TPST2: variants seen among roughly 807,000 people sequenced by gnomAD.
TPST2 encodes the protein tyrosylprotein sulfotransferase 2.
TPST2 carries 16 observed loss-of-function variants against 27.8 expected under a neutral mutation model. The observed-to-expected ratio is 0.58, with a 90% CI of 0.39 to 0.88. The LOEUF (loss-of-function observed/expected upper bound fraction) is 0.88. Ranked by LOEUF, TPST2 falls within the 40% of genes least tolerant of loss-of-function variation. The probability of loss-of-function intolerance (pLI) is 0.00; values close to 1 mark genes in which losing one functional copy is unlikely to be tolerated. For synonymous variants in TPST2, 229 were observed against 231.7 expected (o/e 0.99, Z 0.10); for missense variants, 464 against 543.1 (o/e 0.85, Z 1.45).
intron 2 of TPST2, among the ~76,000 whole-genome samples, chr22:26,542,240 T>C (rs1348442196): frequency 8.6e-6 from 1 of 115,976 alleles, no homozygotes; most frequent in South Asian, 3.0e-4. Context: ...AGACTCCGTC[T>C]AAAAAAAAAA....
intron 1 of TPST2, chr22:26,560,387 A>G (rs1927021498): frequency 1.7e-6 from 1 of 593,184 alleles, no homozygotes; most frequent in Non-Finnish European, 3.0e-6. Flanking sequence ...ATATTGCAGC[A>G]GTGCCATATG....
At chr22:26,570,013 AAGAAAGAAAGAAAGAAAGAAAGAAAG>A (rs1927554160) in intron 1 of TPST2, among the ~76,000 whole-genome samples, 2 of 94,778 alleles carry the variant, frequency 2.1e-5, no homozygotes, top group Admixed American at 1.3e-4. Flanking sequence ...GAAAGAAAGA[AAGAAAGAAAGAAAGAAAGAAAGAAAG>A]AAAGACAGAA....
chr22:26,551,637 ACT>A (rs781110984), intron 1 of TPST2, among the ~76,000 whole-genome samples: 3 of 151,706 alleles, frequency 2.0e-5, no homozygotes, highest in Non-Finnish European at 2.9e-5. Context: ...CCAGTTCAGC[ACT>A]CTGTTAGGGA....
At chr22:26,529,784 G>A (rs984663778) in intron 5 of TPST2, among the ~76,000 whole-genome samples, 5 of 152,012 alleles carry the variant, frequency 3.3e-5, no homozygotes, top group African/African-American at 9.7e-5. Context: ...GCAGTGGCAC[G>A]AACATGTGCC....
At chr22:26,543,477 G>T (rs963236474) in intron 2 of TPST2, among the ~76,000 whole-genome samples, 21 of 152,116 alleles carry the variant, frequency 1.4e-4, no homozygotes, top group African/African-American at 4.3e-4. Flanking sequence ...TGATTTTTTT[G>T]TGTGTTTTTA....
Position 26,538,860 on chromosome 22 carries a change from G to T in TPST2, c.842+1929C>A, listed in dbSNP as rs540146628. 3.3e-5 allele frequency among the ~76,000 whole-genome samples: 5 copies of T among 152,286 alleles called. No individual in the cohort carries two copies. In the South Asian group the frequency reaches 1.0e-3, roughly 32 times the overall value. ...ACAACAAAAATGCTGCTACCAAAGA[G>T]TGCTGGCTGCCACTGGCAAGGGCTC... On this transcript the variant is annotated intron_variant, in intron 3 of 6. Transcript: ENST00000338754.
chr22:26,522,514 A>G lies in TPST2; in HGVS notation c.*3761T>C, dbSNP rs549773434. The G allele has an allele frequency of 2.6e-5, 4 of 152,286 alleles. No individual in the cohort carries two copies. The highest frequency in any genetic ancestry group is 2.6e-4 in the Admixed American group (4 of 15,304). 9.4% of individuals were successfully genotyped at this position (152,286 alleles called of 1,614,324 possible). On this transcript the variant is annotated 3_prime_UTR_variant, in exon 7 of 7. Coordinates refer to ENST00000338754, the MANE Select transcript of TPST2 (RefSeq NM_003595.5). ...ACAGTGAGATTAAAATTCTGCCCAA[A>G]TCAGGGTACATGGGTGGAATTAATC...
In TPST2 at chr22:26,541,730, G is replaced by A; in HGVS notation, c.-88-12C>T. 1 of 1,453,808 alleles carries A rather than the reference G, an allele frequency of 6.9e-7. No homozygotes were observed. The highest frequency in any genetic ancestry group is 2.5e-5 in the East Asian group (1 of 39,978). 90.1% of individuals were successfully genotyped at this position (1,453,808 alleles called of 1,614,324 possible). The stretch of plus-strand genomic sequence containing the variant: ...CGCCAGGCTCACATCTGGGGAGAGA[G>A]GGGGACATGCATAGTCAGGGAGGTC... On this transcript the variant is annotated splice_polypyrimidine_tract_variant and intron_variant, in intron 2 of 6. Transcript: ENST00000338754. The surrounding 1 kb of genome is among the most constrained non-coding windows in gnomAD (Gnocchi z 5.9).
At chr22:26,567,942 T>A (rs1193479210) in intron 1 of TPST2, among the ~76,000 whole-genome samples, 1 of 152,206 alleles carries the variant, frequency 6.6e-6, no homozygotes, top group Admixed American at 6.5e-5. Context: ...AACCAGAACT[T>A]TCATACTCTG....
At chr22:26,570,045 CA>C (rs1927565373) in intron 1 of TPST2, among the ~76,000 whole-genome samples, 1 of 96,898 alleles carries the variant, frequency 1.0e-5, no homozygotes, top group African/African-American at 3.8e-5. Flanking sequence ...GAAAGAAAGA[CA>C]GAAAGAAAGA....
chr22:26,580,463 C>G (rs1928057257), intron 1 of TPST2, among the ~76,000 whole-genome samples: 1 of 152,158 alleles, frequency 6.6e-6, no homozygotes, highest in Non-Finnish European at 1.5e-5. Context: ...GCCCAGCCCC[C>G]TCCAGCCCTC....
intron 1 of TPST2, among the ~76,000 whole-genome samples, chr22:26,569,850 C>G (rs1294932126): frequency 6.7e-6 from 1 of 148,866 alleles, no homozygotes; most frequent in Non-Finnish European, 1.5e-5. Context: ...ACTCGGGAGA[C>G]TGAAGCAGGG....
At chr22:26,558,560 T>C (rs902236313) in intron 1 of TPST2, among the ~76,000 whole-genome samples, 1 of 152,184 alleles carries the variant, frequency 6.6e-6, no homozygotes, top group Non-Finnish European at 1.5e-5. Flanking sequence ...CCTACTGTGG[T>C]CCTCACACAT....
chr22:26,567,740 C>G (rs1927435053), intron 1 of TPST2, among the ~76,000 whole-genome samples: 1 of 152,100 alleles, frequency 6.6e-6, no homozygotes, highest in South Asian at 2.1e-4. Flanking sequence ...GGCAACACAA[C>G]AGAAAAATGG....
intron 1 of TPST2, among the ~76,000 whole-genome samples, chr22:26,581,468 C>G (rs1847039833): frequency 6.6e-6 from 1 of 152,234 alleles, no homozygotes; most frequent in Non-Finnish European, 1.5e-5. Context: ...CACCAGAACA[C>G]TCTGGGACAG....
In TPST2 at chr22:26,582,472, T is replaced by C. The variant is rs142186907; in HGVS notation, c.-161+7581A>G. ...ACAACCAAAAACACAGAATCTGCACTTTAACAAGTTCCCCAAGGGGATCAT... is the reference window on the plus strand; with the variant it reads ...ACAACCAAAAACACAGAATCTGCACCTTAACAAGTTCCCCAAGGGGATCAT... On this transcript the variant is annotated intron_variant, in intron 1 of 6. Transcript: ENST00000338754. Among the ~76,000 whole-genome samples, 347 of 152,220 alleles carry C rather than the reference T, an allele frequency of 2.3e-3. 2 individuals are homozygous for C. Among genetic ancestry groups the C allele is most frequent in the African/African-American group, 7.6e-3 (316 of 41,556 alleles).
At chr22:26,542,585 C>T (rs929549550) in intron 2 of TPST2, among the ~76,000 whole-genome samples, 1 of 152,176 alleles carries the variant, frequency 6.6e-6, no homozygotes, top group Non-Finnish European at 1.5e-5. Flanking sequence ...CTACTCTTAC[C>T]ATGGACCTGT....
chr22:26,571,880 C>T (rs1211555854), intron 1 of TPST2, among the ~76,000 whole-genome samples: 1 of 152,202 alleles, frequency 6.6e-6, no homozygotes, highest in Non-Finnish European at 1.5e-5. Flanking sequence ...AACTGTTTCT[C>T]TCCATCACCA....
chr22:26,542,486 T>TAGTGATTTCTA (rs1446908738), intron 2 of TPST2, among the ~76,000 whole-genome samples: 1 of 152,288 alleles, frequency 6.6e-6, no homozygotes, highest in East Asian at 1.9e-4. Context: ...CCAAGAATAT[T>TAGTGATTTCTA]AGTGATTTCT....
Sources: gnomAD v4.1 joint callset for allele counts (sites outside exome capture counted in the v4.1 genomes callset) on GRCh38, gnomAD v4.1.1 for gene constraint, Gnocchi (gnomAD v3.1) non-coding constraint, MANE v1.5 for transcripts, NCBI Gene and HGNC (gene_info 2026-07-23, HGNC 2026-07-21) for gene names.